Variants in MYO3B observed in about 807,000 individuals in gnomAD.
The protein encoded by MYO3B is myosin-IIIb.
A neutral mutation model predicts 174.6 loss-of-function variants in MYO3B; 156 were observed. The ratio of observed to expected loss-of-function variants is 0.89; its 90% CI spans 0.78 to 1.02. The LOEUF is 1.02. Ranked by LOEUF, MYO3B falls within the 50% of genes least tolerant of loss-of-function variation. The pLI is 0.00. For synonymous variants in MYO3B, 563 were observed against 569.1 expected, an observed-to-expected ratio of 0.99 and a Z score of 0.15; for missense variants, 1,632 against 1,639.4, an observed-to-expected ratio of 1.00 and a Z score of 0.08.
chr2:170,292,792 C>G (rs2093604605), intron 7 of MYO3B, among the ~76,000 whole-genome samples: 1 of 152,156 alleles, frequency 6.6e-6, no homozygotes, highest in African/African-American at 2.4e-5. Flanking sequence ...AACAGCCACT[C>G]TGATTTGGCA....
intron 32 of MYO3B, among the ~76,000 whole-genome samples, chr2:170,628,999 T>C (rs1696707471): frequency 6.6e-6 from 1 of 152,166 alleles, no homozygotes; most frequent in Admixed American, 6.5e-5. Flanking sequence ...GTGAGAAAAG[T>C]CAAAATCAGA....
chr2:170,396,423 C>T (rs1184070335), intron 16 of MYO3B, among the ~76,000 whole-genome samples: 1 of 151,848 alleles, frequency 6.6e-6, no homozygotes, highest in East Asian at 1.9e-4. Context: ...AGCAGAGGCT[C>T]CTAGATCAGA....
intron 32 of MYO3B, among the ~76,000 whole-genome samples, chr2:170,545,660 A>G (rs1690433447): frequency 6.6e-6 from 1 of 152,198 alleles, no homozygotes. Flanking sequence ...TTAAAAAGTC[A>G]AATTTATTAA....
intron 28 of MYO3B, among the ~76,000 whole-genome samples, chr2:170,503,354 G>A (rs1232599975): frequency 1.3e-5 from 2 of 151,876 alleles, no homozygotes; most frequent in Non-Finnish European, 2.9e-5. Context: ...GATCAGGATA[G>A]TAATAATTGT....
chr2:170,573,886 G>C (rs893955010), intron 32 of MYO3B, among the ~76,000 whole-genome samples: 2 of 152,146 alleles, frequency 1.3e-5, no homozygotes, highest in Non-Finnish European at 2.9e-5. Context: ...TAGAATCTCA[G>C]TTAAGTTTGA....
intron 7 of MYO3B, among the ~76,000 whole-genome samples, chr2:170,294,417 A>G (rs2093615783): frequency 6.6e-6 from 1 of 151,620 alleles, no homozygotes; most frequent in Non-Finnish European, 1.5e-5. Flanking sequence ...CTATTTTTGT[A>G]GTTTTCTTTG....
intron 22 of MYO3B, among the ~76,000 whole-genome samples, chr2:170,429,423 T>C (rs1392760245): frequency 6.6e-6 from 1 of 152,196 alleles, no homozygotes; most frequent in African/African-American, 2.4e-5. Context: ...AAGCTTTTGT[T>C]CCCAGTCCCA....
At chr2:170,307,312 T>G (rs1404164698) in intron 7 of MYO3B, among the ~76,000 whole-genome samples, 1 of 151,974 alleles carries the variant, frequency 6.6e-6, no homozygotes, top group Non-Finnish European at 1.5e-5. Context: ...TAATATTATT[T>G]GCTTTTCTCT....
intron 23 of MYO3B, among the ~76,000 whole-genome samples, chr2:170,460,614 AC>A (rs1684227034): frequency 6.6e-6 from 1 of 151,498 alleles, no homozygotes; most frequent in African/African-American, 2.4e-5. Context: ...ATAGGTTTTT[AC>A]TTTATTTCCA....
At chr2:170,320,183 G>A (rs374562190) in intron 7 of MYO3B, among the ~76,000 whole-genome samples, 1 of 152,078 alleles carries the variant, frequency 6.6e-6, no homozygotes, top group African/African-American at 2.4e-5. Context: ...GGGACTACAA[G>A]CATGCGCCAC....
chr2:170,556,379 G>C (rs28823656), intron 32 of MYO3B, among the ~76,000 whole-genome samples: 18,643 of 152,074 alleles, frequency 0.12, 2,147 homozygotes, highest in African/African-American at 0.31. Flanking sequence ...GGATTGTGTG[G>C]TAAGAGTATG....
chr2:170,251,090 C>T (rs1183164968), intron 7 of MYO3B, among the ~76,000 whole-genome samples: 4 of 152,060 alleles, frequency 2.6e-5, no homozygotes, highest in African/African-American at 7.2e-5. Flanking sequence ...GCCAGGGAAC[C>T]GCCCTCTTCT....
At chr2:170,203,978 T>C (rs575654170) in intron 3 of MYO3B, among the ~76,000 whole-genome samples, 1 of 152,338 alleles carries the variant, frequency 6.6e-6, no homozygotes. Context: ...CTTCCCACTC[T>C]TGGCTCTATT....
At chr2:170,269,181 A>G (rs2093406938) in intron 7 of MYO3B, among the ~76,000 whole-genome samples, 1 of 152,128 alleles carries the variant, frequency 6.6e-6, no homozygotes, top group African/African-American at 2.4e-5. Context: ...AAAGATATGT[A>G]CTTTTCATAT....
At chr2:170,299,341 T>A (rs1198879151) in intron 7 of MYO3B, among the ~76,000 whole-genome samples, 1 of 152,236 alleles carries the variant, frequency 6.6e-6, no homozygotes, top group East Asian at 1.9e-4. Flanking sequence ...ATCCTCTTTT[T>A]TAGGGCCATC....
chr2:170,539,427 T>C (rs1689938972), intron 30 of MYO3B, among the ~76,000 whole-genome samples: 1 of 152,200 alleles, frequency 6.6e-6, no homozygotes, highest in Non-Finnish European at 1.5e-5. Context: ...GTCGTGGTGT[T>C]AGTGGTGTTA....
At chr2:170,469,361 G>C (rs187807407) in intron 25 of MYO3B, among the ~76,000 whole-genome samples, 4 of 152,264 alleles carry the variant, frequency 2.6e-5, no homozygotes, top group Non-Finnish European at 2.9e-5. Context: ...CAGATGCCTG[G>C]GGCTTACTTA....
intron 16 of MYO3B, among the ~76,000 whole-genome samples, chr2:170,395,912 T>C (rs2094440186): frequency 6.6e-6 from 1 of 152,174 alleles, no homozygotes; most frequent in African/African-American, 2.4e-5. Context: ...CTCTCTACTT[T>C]TCAATTAGCC....
intron 7 of MYO3B, among the ~76,000 whole-genome samples, chr2:170,287,085 T>C (rs2093562056): frequency 6.6e-6 from 1 of 152,182 alleles, no homozygotes; most frequent in South Asian, 2.1e-4. Context: ...TGAATAATAT[T>C]CCATTGTGTA....
Sources: allele counts gnomAD v4.1 joint callset (sites outside exome capture counted in the v4.1 genomes callset), GRCh38; gene constraint gnomAD v4.1.1; transcripts MANE v1.5; gene names NCBI Gene and HGNC (gene_info 2026-07-23, HGNC 2026-07-21).